The following LCMT1 variants were observed in gnomAD, a reference collection of about 807,000 sequenced individuals.
LCMT1 encodes leucine carboxyl methyltransferase 1.
A neutral mutation model predicts 47.7 loss-of-function variants in LCMT1; 32 were observed. The ratio of observed to expected loss-of-function variants is 0.67; its 90% CI spans 0.51 to 0.90. The LOEUF (loss-of-function observed/expected upper bound fraction) is 0.90. Among genes scored for constraint, LCMT1 ranks in the 40% least tolerant of loss-of-function variants. The pLI is 0.00. For missense variants in LCMT1, 375 were observed against 415.2 expected (o/e 0.90, Z 0.84); for synonymous variants, 152 against 149.7 (o/e 1.02, Z -0.11).
chr16:25,159,377 A>C (rs1961353607), intron 5 of LCMT1, among the ~76,000 whole-genome samples: 1 of 152,190 alleles, frequency 6.6e-6, no homozygotes, highest in African/African-American at 2.4e-5. Flanking sequence ...TCAAGCCATC[A>C]CACCTCAGCC....
intron 3 of LCMT1, among the ~76,000 whole-genome samples, chr16:25,136,784 C>A (rs1960518064): frequency 2.0e-5 from 3 of 152,080 alleles, no homozygotes; most frequent in African/African-American, 7.2e-5. Flanking sequence ...AGTGATCCAC[C>A]ACCCTCAGCC....
At chr16:25,151,411 T>C in intron 4 of LCMT1, 143 bp from the exon 5 acceptor site, 1 of 670,290 alleles carries the variant, frequency 1.5e-6, no homozygotes, top group Non-Finnish European at 2.6e-6. Context: ...AAGCCCTTTT[T>C]AGAGGGGCCC....
chr16:25,136,778 A>G (rs1960517751), intron 3 of LCMT1, among the ~76,000 whole-genome samples: 1 of 152,044 alleles, frequency 6.6e-6, no homozygotes, highest in Non-Finnish European at 1.5e-5. Context: ...GCCTCAAGTG[A>G]TCCACCACCC....
intron 3 of LCMT1, among the ~76,000 whole-genome samples, chr16:25,133,917 A>G (rs1005788214): frequency 1.3e-4 from 19 of 151,664 alleles, no homozygotes; most frequent in Non-Finnish European, 2.5e-4. Flanking sequence ...CCGTAATCCT[A>G]GCTACATGGG....
At position 25,145,884 on chromosome 16, in the gene LCMT1, A is replaced by T. The variant is rs1182146436; in HGVS notation, c.404+5637A>T. ...TGTCCGATAGGGAAGGGGTGATGTG[A>T]TCCTTGCTTTCTTTGGGTATGTTTT... On this transcript the variant is annotated intron_variant, in intron 4 of 10. Transcript: ENST00000399069. 2 of 152,312 alleles carry T rather than the reference A, an allele frequency of 1.3e-5. 1 individual carries two copies. The highest frequency in any genetic ancestry group is 2.9e-5 in the Non-Finnish European group (2 of 68,160). 9.4% of individuals were successfully genotyped at this position (152,312 alleles called of 1,614,324 possible). A position where few individuals can be genotyped will look rare whatever the true frequency, so the allele number is the denominator to read the frequency against.
chr16:25,150,726 T>C (rs1201469520), intron 4 of LCMT1, among the ~76,000 whole-genome samples: 1 of 152,072 alleles, frequency 6.6e-6, no homozygotes, highest in Non-Finnish European at 1.5e-5. Context: ...ATTCTTATAT[T>C]GAAAAAAATG....
At chr16:25,139,687 A>G (rs1208177585) in intron 3 of LCMT1, among the ~76,000 whole-genome samples, 1 of 151,960 alleles carries the variant, frequency 6.6e-6, no homozygotes, top group Admixed American at 6.6e-5. Context: ...GTTGTTGTTA[A>G]ATCGTTTAAA....
intron 4 of LCMT1, 26 bp downstream of exon 4, chr16:25,140,273 A>G (rs1381617080): frequency 1.3e-6 from 2 of 1,521,874 alleles, no homozygotes; most frequent in Non-Finnish European, 1.8e-6. Flanking sequence ...CCAGAAGAAC[A>G]AAAGCCAGCG....
intron 1 of LCMT1, among the ~76,000 whole-genome samples, chr16:25,114,997 G>A (rs1303467019): frequency 1.3e-5 from 2 of 152,102 alleles, no homozygotes; most frequent in Non-Finnish European, 2.9e-5. Flanking sequence ...GCATCCACAT[G>A]GAGCCTATGC....
intron 8 of LCMT1, 101 bp downstream of exon 8, chr16:25,169,314 T>C (rs1415368430): frequency 2.6e-6 from 2 of 776,702 alleles, no homozygotes; most frequent in African/African-American, 3.4e-5. Context: ...CCCTGTTCAG[T>C]GCCTGTCAGC....
chr16:25,121,076 T>A (rs1339074427), intron 1 of LCMT1, among the ~76,000 whole-genome samples: 4 of 151,880 alleles, frequency 2.6e-5, no homozygotes, highest in Non-Finnish European at 5.9e-5. Context: ...TTCATTTTTT[T>A]AAGGAGCAGA....
At chr16:25,153,825 C>T (rs763577513) in intron 5 of LCMT1, among the ~76,000 whole-genome samples, 1 of 151,780 alleles carries the variant, frequency 6.6e-6, no homozygotes, top group Non-Finnish European at 1.5e-5. Flanking sequence ...TGGTGGCTGG[C>T]GCCTGTAATC....
chr16:25,111,959 G>A lies in LCMT1; in HGVS notation c.76G>A (p.Val26Met), dbSNP rs1455293338. 1.9e-6 allele frequency: 3 copies of A among 1,613,468 alleles called. No individual in the cohort carries two copies. The highest frequency in any genetic ancestry group is 2.7e-5 in the African/African-American group (2 of 74,926). Residue 26 changes from valine (V) to methionine (M), a missense_variant, in exon 1 of 11, where the codon GTG becomes ATG. Val to Met is a conservative substitution (Grantham distance 21). Transcript: ENST00000399069. Reference sequence around the variant, plus strand: ...GAGCTGCGACGCAGACGACGAGGGCGTGCGCGGCACCTGCGAAGATGCTTC... The same window carrying A: ...GAGCTGCGACGCAGACGACGAGGGCATGCGCGGCACCTGCGAAGATGCTTC... ...TSSCDADDEG[V>M]RGTCEDASLC...
chr16:25,156,461 T>G (rs1036148501), intron 5 of LCMT1, among the ~76,000 whole-genome samples: 1 of 152,176 alleles, frequency 6.6e-6, no homozygotes, highest in Non-Finnish European at 1.5e-5. Context: ...CTGGTGAAAT[T>G]AGGCAGAAAG....
intron 1 of LCMT1, among the ~76,000 whole-genome samples, chr16:25,123,270 G>T (rs1189109371): frequency 6.9e-6 from 1 of 145,782 alleles, no homozygotes; most frequent in East Asian, 2.0e-4. Context: ...TGTTGCCCAG[G>T]CTAGAGTGCA....
chr16:25,159,312 C>G (rs952082303), intron 5 of LCMT1, among the ~76,000 whole-genome samples: 5 of 152,240 alleles, frequency 3.3e-5, no homozygotes, highest in Non-Finnish European at 7.3e-5. Context: ...CTCTGTTGCC[C>G]AGGCTGGAGT....
intron 1 of LCMT1, among the ~76,000 whole-genome samples, chr16:25,119,665 C>T (rs1436888197): frequency 1.3e-5 from 2 of 152,084 alleles, no homozygotes; most frequent in Non-Finnish European, 2.9e-5. Context: ...GTCACAAGGT[C>T]TCTCCACAAA....
At chr16:25,174,463 TACTTGCTTTTTAAATTACGCA>T (rs1261628519) in intron 9 of LCMT1, among the ~76,000 whole-genome samples, 2 of 152,342 alleles carry the variant, frequency 1.3e-5, no homozygotes, top group East Asian at 3.9e-4. Context: ...ATATGCACAT[TACTTGCTTTTTAAATTACGCA>T]ACTTGCTTTT....
At chr16:25,118,617 T>C (rs1959873017) in intron 1 of LCMT1, among the ~76,000 whole-genome samples, 1 of 151,334 alleles carries the variant, frequency 6.6e-6, no homozygotes, top group Admixed American at 6.6e-5. Context: ...TTGGAAGGAG[T>C]TGTCATCTGA....
Sources: allele counts gnomAD v4.1 joint callset (sites outside exome capture counted in the v4.1 genomes callset), GRCh38; gene constraint gnomAD v4.1.1; transcripts MANE v1.5; gene names NCBI Gene and HGNC (gene_info 2026-07-23, HGNC 2026-07-21).